Variants in ATRNL1 observed in about 807,000 individuals in gnomAD.
The protein encoded by ATRNL1 is attractin-like protein 1.
Under a neutral mutation model 182.7 loss-of-function variants are expected in ATRNL1, and 95 were observed. The observed-to-expected ratio is 0.52, with a 90% CI of 0.44 to 0.62. The LOEUF (loss-of-function observed/expected upper bound fraction) is 0.62, where lower values mean the gene tolerates loss of function less well. Ranked by LOEUF, ATRNL1 falls within the 20% of genes least tolerant of loss-of-function variation. The probability of loss-of-function intolerance (pLI) is 0.00; values close to 1 mark genes in which losing one functional copy is unlikely to be tolerated. For synonymous variants in ATRNL1, 576 were observed against 568.3 expected, an observed-to-expected ratio of 1.01 and a Z score of -0.19; for missense variants, 1,471 against 1,679.5, an observed-to-expected ratio of 0.88 and a Z score of 2.17.
intron 19 of ATRNL1, among the ~76,000 whole-genome samples, chr10:115,368,973 C>G (rs1007104499): frequency 4.6e-5 from 7 of 151,998 alleles, no homozygotes; most frequent in Non-Finnish European, 1.0e-4. Flanking sequence ...CTTGGCCTCC[C>G]AAAGTGCTGG....
chr10:115,392,580 G>T (rs1554954600), intron 19 of ATRNL1, among the ~76,000 whole-genome samples: 1 of 151,608 alleles, frequency 6.6e-6, no homozygotes, highest in Non-Finnish European at 1.5e-5. Context: ...TAATTTTTTT[G>T]ATCTTTCTAG....
Position 115,649,414 on chromosome 10 carries a change from G to A in ATRNL1, c.3796-77834G>A, listed in dbSNP as rs374957283. On this transcript the variant is annotated intron_variant, in intron 26 of 28. Transcript: ENST00000355044. ...TCCTTTATTTATGTTATTGCTAGAG[G>A]TTTCCAGCTGAGGTTGTTTGATTGT... 2.6e-5 allele frequency among the ~76,000 whole-genome samples: 4 copies of A among 152,096 alleles called. No homozygotes were observed. The East Asian group carries it at 7.7e-4, about 29-fold the overall frequency.
intron 24 of ATRNL1, among the ~76,000 whole-genome samples, chr10:115,483,865 A>G (rs1179309863): frequency 2.0e-5 from 3 of 151,638 alleles, no homozygotes; most frequent in African/African-American, 7.2e-5. Flanking sequence ...CACTCTAAGA[A>G]GGAATCAATC....
intron 26 of ATRNL1, among the ~76,000 whole-genome samples, chr10:115,598,566 G>A (rs576580552): frequency 6.6e-6 from 1 of 151,880 alleles, no homozygotes; most frequent in African/African-American, 2.4e-5. Context: ...GTTTCACCAT[G>A]TTGGGCAGGA....
At chr10:115,629,800 G>T (rs1374685414) in intron 26 of ATRNL1, among the ~76,000 whole-genome samples, 1 of 151,978 alleles carries the variant, frequency 6.6e-6, no homozygotes, top group Non-Finnish European at 1.5e-5. Flanking sequence ...AAGATAAAAA[G>T]TCCTGTAAGG....
chr10:115,322,408 G>A (rs1218266942), intron 18 of ATRNL1, among the ~76,000 whole-genome samples: 4 of 151,668 alleles, frequency 2.6e-5, no homozygotes, highest in Non-Finnish European at 5.9e-5. Context: ...GCCCAATACA[G>A]GTTTTCTTGA....
At chr10:115,848,239 A>G (rs1166718944) in intron 28 of ATRNL1, among the ~76,000 whole-genome samples, 2 of 152,188 alleles carry the variant, frequency 1.3e-5, no homozygotes, top group Non-Finnish European at 2.9e-5. Flanking sequence ...TTATACACAC[A>G]TGTATGTATG....
intron 22 of ATRNL1, among the ~76,000 whole-genome samples, chr10:115,466,207 T>G (rs1404723444): frequency 7.3e-5 from 11 of 151,352 alleles, no homozygotes; most frequent in African/African-American, 2.7e-4. Flanking sequence ...ACTTAGAAAA[T>G]TGGGAATATA....
chr10:115,822,843 A>G (rs1208758303), intron 27 of ATRNL1, among the ~76,000 whole-genome samples: 3 of 152,190 alleles, frequency 2.0e-5, no homozygotes, highest in African/African-American at 7.2e-5. Context: ...GCCGAATTCT[A>G]CCAGAGGTAC....
At chr10:115,720,372 C>A (rs1365096734) in intron 26 of ATRNL1, among the ~76,000 whole-genome samples, 1 of 151,596 alleles carries the variant, frequency 6.6e-6, no homozygotes, top group African/African-American at 2.4e-5. Flanking sequence ...TATTCATTTT[C>A]TCTGACATTT....
At chr10:115,668,999 T>C (rs1169182390) in intron 26 of ATRNL1, among the ~76,000 whole-genome samples, 2 of 152,120 alleles carry the variant, frequency 1.3e-5, no homozygotes, top group Non-Finnish European at 2.9e-5. Context: ...AAAAAAATGC[T>C]TCGTATTGTA....
intron 27 of ATRNL1, among the ~76,000 whole-genome samples, chr10:115,727,885 G>GA (rs1555060848): frequency 1.3e-5 from 2 of 152,042 alleles, no homozygotes; most frequent in African/African-American, 4.8e-5. Context: ...GGCAGAAATA[G>GA]AGTATGATGA....
chr10:115,740,610 ATTC>A (rs1460257247), intron 27 of ATRNL1, among the ~76,000 whole-genome samples: 1 of 152,076 alleles, frequency 6.6e-6, no homozygotes, highest in Non-Finnish European at 1.5e-5. Context: ...GGTTCATGCA[ATTC>A]TTCTGCCTCC....
At chr10:115,867,832 G>C (rs1208875098) in intron 28 of ATRNL1, among the ~76,000 whole-genome samples, 2 of 151,816 alleles carry the variant, frequency 1.3e-5, no homozygotes, top group African/African-American at 2.4e-5. Context: ...CCACCTCCCG[G>C]TTCAAGTGAT....
chr10:115,146,915 A>C (rs1845999711), intron 5 of ATRNL1, among the ~76,000 whole-genome samples: 1 of 151,910 alleles, frequency 6.6e-6, no homozygotes, highest in African/African-American at 2.4e-5. Flanking sequence ...TGCTACTGTA[A>C]ATAGTGCTGC....
intron 21 of ATRNL1, among the ~76,000 whole-genome samples, chr10:115,435,936 T>C (rs564257841): frequency 2.0e-5 from 3 of 152,322 alleles, no homozygotes; most frequent in South Asian, 4.1e-4. Context: ...CAGTTATGTT[T>C]AATGGTAGTA....
chr10:115,713,689 CT>C (rs1378789456), intron 26 of ATRNL1, among the ~76,000 whole-genome samples: 2 of 112,782 alleles, frequency 1.8e-5, no homozygotes, highest in African/African-American at 3.1e-5. Flanking sequence ...ATCTATCTAT[CT>C]ATCTATCTAT....
chr10:115,423,411 C>T (rs1845733890), intron 20 of ATRNL1, among the ~76,000 whole-genome samples: 1 of 151,800 alleles, frequency 6.6e-6, no homozygotes, highest in Non-Finnish European at 1.5e-5. Context: ...GTGTGTAGAC[C>T]CAGCTACTAG....
At chr10:115,244,403 A>G (rs1280525022) in intron 10 of ATRNL1, among the ~76,000 whole-genome samples, 1 of 152,132 alleles carries the variant, frequency 6.6e-6, no homozygotes, top group Non-Finnish European at 1.5e-5. Context: ...GTGATTTTCA[A>G]TCATGCTCAT....
Sources: allele counts gnomAD v4.1 joint callset (sites outside exome capture counted in the v4.1 genomes callset), GRCh38; gene constraint gnomAD v4.1.1; transcripts MANE v1.5; gene names NCBI Gene and HGNC (gene_info 2026-07-23, HGNC 2026-07-21).